Variants in ROR2 observed in about 807,000 individuals in gnomAD.
ROR2 encodes the protein tyrosine-protein kinase transmembrane receptor ROR2.
ROR2 carries 33 observed loss-of-function variants against 74.9 expected under a neutral mutation model. The observed-to-expected ratio is 0.44, with a 90% CI of 0.33 to 0.59. The LOEUF is 0.59. Ranked by LOEUF, ROR2 falls within the 20% of genes least tolerant of loss-of-function variation. The probability of loss-of-function intolerance (pLI) is 0.02; values close to 1 mark genes in which losing one functional copy is unlikely to be tolerated. For synonymous variants in ROR2, 586 were observed against 558.7 expected (o/e 1.05, Z -0.69); for missense variants, 1,216 against 1,313.8 (o/e 0.93, Z 1.15).
chr9:91,738,345 G>A lies in ROR2; in HGVS notation c.495-827C>T, dbSNP rs865777577. On this transcript the variant is annotated intron_variant, in intron 4 of 8. Transcript: ENST00000375708. ...TTCAAAAAATTCCACATCTTTAAGG[G>A]AGTATGGAAAAAGAATGGGAGGACT... Among the ~76,000 whole-genome samples the A allele has an allele frequency of 2.0e-5, 3 of 152,234 alleles. No homozygotes were observed. The South Asian group carries it at 6.2e-4, about 32-fold the overall frequency.
intron 1 of ROR2, among the ~76,000 whole-genome samples, chr9:91,912,927 A>G (rs1831031271): frequency 6.6e-6 from 1 of 152,222 alleles, no homozygotes; most frequent in South Asian, 2.1e-4. Context: ...TCAGGAGTTC[A>G]AGACCAGCCT....
chr9:91,735,809 G>A (rs949925909), intron 5 of ROR2, among the ~76,000 whole-genome samples: 4 of 151,756 alleles, frequency 2.6e-5, no homozygotes, highest in Non-Finnish European at 5.9e-5. Context: ...GTAGAGATGG[G>A]GTTTCACCAT....
At chr9:91,941,319 T>C (rs1229742705) in intron 1 of ROR2, among the ~76,000 whole-genome samples, 1 of 152,284 alleles carries the variant, frequency 6.6e-6, no homozygotes, top group South Asian at 2.1e-4. Context: ...TTTGAAACCA[T>C]TTCGCCTTTA....
intron 4 of ROR2, among the ~76,000 whole-genome samples, chr9:91,750,867 G>A (rs183262717): frequency 7.0e-4 from 107 of 152,282 alleles, no homozygotes; most frequent in African/African-American, 2.1e-3. Context: ...ATGGCTTTTA[G>A]AACGACAAAA....
intron 1 of ROR2, among the ~76,000 whole-genome samples, chr9:91,778,786 T>C (rs1346740095): frequency 6.6e-6 from 1 of 152,126 alleles, no homozygotes; most frequent in Non-Finnish European, 1.5e-5. Flanking sequence ...CCTGGGTCAT[T>C]TTCACTGTAA....
At chr9:91,891,252 C>CTTTTTTTTTTTTT (rs59835723) in intron 1 of ROR2, among the ~76,000 whole-genome samples, 1 of 136,848 alleles carries the variant, frequency 7.3e-6, no homozygotes. Flanking sequence ...CTGTTCCTTT[C>CTTTTTTTTTTTTT]TTTTTTTTTT....
chr9:91,924,308 A>G (rs1213755371), intron 1 of ROR2, among the ~76,000 whole-genome samples: 1 of 152,140 alleles, frequency 6.6e-6, no homozygotes, highest in Non-Finnish European at 1.5e-5. Flanking sequence ...CCTGCGGTGG[A>G]GAGAGGCAAG....
chr9:91,864,788 G>T (rs902719769), intron 1 of ROR2, among the ~76,000 whole-genome samples: 1 of 152,110 alleles, frequency 6.6e-6, no homozygotes, highest in Non-Finnish European at 1.5e-5. Context: ...CATAACTTGA[G>T]CACAGAAAAA....
intron 1 of ROR2, among the ~76,000 whole-genome samples, chr9:91,935,225 C>T (rs1165858621): frequency 6.6e-6 from 1 of 152,222 alleles, no homozygotes; most frequent in African/African-American, 2.4e-5. Flanking sequence ...CATGACTTGG[C>T]TGCCACACAC....
At chr9:91,778,890 T>G (rs900249996) in intron 1 of ROR2, among the ~76,000 whole-genome samples, 1 of 152,172 alleles carries the variant, frequency 6.6e-6, no homozygotes, top group African/African-American at 2.4e-5. Flanking sequence ...CTTTTAGTTT[T>G]TTGATACTTT....
rs369109983 is a variant in ROR2 at position 91,816,552 on chromosome 9, T to C, written c.98-40734A>G. On this transcript the variant is annotated intron_variant, in intron 1 of 8. Coordinates refer to ENST00000375708, the MANE Select transcript of ROR2 (RefSeq NM_004560.4). ...TCCCCCAGCCTGGACCTGATCTCCT[T>C]GCAGAAGCCACCTCCCCCCGCCAGG... is the stretch of plus-strand genomic sequence containing the variant. 9.8e-4 allele frequency among the ~76,000 whole-genome samples: 149 copies of C among 152,182 alleles called. 1 individual carries two copies. The highest frequency in any genetic ancestry group is 3.5e-3 in the African/African-American group (146 of 41,510).
Position 91,844,709 on chromosome 9 carries a change from G to A in ROR2, c.98-68891C>T, listed in dbSNP as rs938747220. 5.3e-5 allele frequency among the ~76,000 whole-genome samples: 8 copies of A among 152,250 alleles called. No individual in the cohort carries two copies. In the South Asian group the frequency reaches 1.0e-3, roughly 20 times the overall value. ...TTGTCTTAATAGGTGTAATAGGTTC[G>A]TGGCTACCAGAACCTACACTGTTAG... On this transcript the variant is annotated intron_variant, in intron 1 of 8. Coordinates refer to ENST00000375708, the MANE Select transcript of ROR2 (RefSeq NM_004560.4).
At position 91,733,583 on chromosome 9, in the gene ROR2, C is replaced by A; in HGVS notation, c.623-147G>T. ...GCCCCAGACTCCCCAACCCCGAGCCCCGCACACCACCCTGGAGAGGCTCCC... is the reference window on the plus strand; with the variant it reads ...GCCCCAGACTCCCCAACCCCGAGCCACGCACACCACCCTGGAGAGGCTCCC... On this transcript the variant is annotated intron_variant, in intron 5 of 8. Coordinates refer to ENST00000375708, the MANE Select transcript of ROR2 (RefSeq NM_004560.4). This position sits in a 1 kb window ranked among gnomAD's most constrained non-coding sequence, Gnocchi z 5.7. 1 of 839,546 alleles carries A rather than the reference C, an allele frequency of 1.2e-6. No individual in the cohort carries two copies. Among genetic ancestry groups the A allele is most frequent in the East Asian group, 2.7e-5 (1 of 37,292 alleles). The allele number at this position is 839,546 out of a possible 1,614,324, so 52.0% of individuals were successfully genotyped here. A position where few individuals can be genotyped will look rare whatever the true frequency, so the allele number is the denominator to read the frequency against.
intron 1 of ROR2, among the ~76,000 whole-genome samples, chr9:91,946,887 T>G (rs1832026951): frequency 1.3e-5 from 2 of 151,544 alleles, no homozygotes; most frequent in Non-Finnish European, 1.5e-5. Context: ...TACCCCTGTA[T>G]TTCTATTCCA....
At chr9:91,816,305 T>A (rs1037359908) in intron 1 of ROR2, among the ~76,000 whole-genome samples, 9 of 152,052 alleles carry the variant, frequency 5.9e-5, no homozygotes, top group African/African-American at 2.2e-4. Flanking sequence ...AGATCACATC[T>A]CCTCCTTGCT....
intron 1 of ROR2, among the ~76,000 whole-genome samples, chr9:91,895,726 C>T (rs1830520741): frequency 6.6e-6 from 1 of 152,122 alleles, no homozygotes; most frequent in Non-Finnish European, 1.5e-5. Context: ...GCCTGTAATC[C>T]CAGCTACTCG....
intron 1 of ROR2, among the ~76,000 whole-genome samples, chr9:91,897,375 G>C (rs1477278291): frequency 2.6e-5 from 4 of 152,222 alleles, no homozygotes; most frequent in African/African-American, 9.6e-5. Flanking sequence ...GGTGATCCAG[G>C]TCTTCTGGCA....
At chr9:91,909,858 T>TTG (rs1830925267) in intron 1 of ROR2, among the ~76,000 whole-genome samples, 1 of 127,498 alleles carries the variant, frequency 7.8e-6, no homozygotes, top group African/African-American at 3.1e-5. Context: ...TTTTTTTTTT[T>TTG]TTTTTTTTTT....
intron 6 of ROR2, among the ~76,000 whole-genome samples, chr9:91,732,447 G>C (rs550568886): frequency 6.6e-6 from 1 of 152,112 alleles, no homozygotes; most frequent in Non-Finnish European, 1.5e-5. Context: ...CCCAGGCCCC[G>C]GGCTCAGAAC....
Sources: gnomAD v4.1 joint callset for allele counts (sites outside exome capture counted in the v4.1 genomes callset) on GRCh38, gnomAD v4.1.1 for gene constraint, Gnocchi (gnomAD v3.1) non-coding constraint, MANE v1.5 for transcripts, NCBI Gene and HGNC (gene_info 2026-07-23, HGNC 2026-07-21) for gene names.